Variants in MBOAT2 observed in about 807,000 individuals in gnomAD.
MBOAT2 encodes the protein membrane bound glycerophospholipid O-acyltransferase 2.
In MBOAT2, 28 loss-of-function variants were observed where a neutral mutation model predicts 63.4. The ratio of observed to expected loss-of-function variants is 0.44; its 90% CI spans 0.33 to 0.61. The LOEUF (loss-of-function observed/expected upper bound fraction) is 0.61. MBOAT2 is among the 20% of genes least tolerant of loss of function. The pLI is 0.03. For synonymous variants in MBOAT2, 211 were observed against 215.6 expected, an observed-to-expected ratio of 0.98 and a Z score of 0.19; for missense variants, 470 against 605.8, an observed-to-expected ratio of 0.78 and a Z score of 2.35.
In MBOAT2 at chr2:8,868,446, C is replaced by T. The variant is rs1558552954; in HGVS notation, c.987G>A (p.Glu329=). The T allele has an allele frequency of 6.2e-7, 1 of 1,612,840 alleles. No individual in the cohort carries two copies. Among genetic ancestry groups the T allele is most frequent in the East Asian group, 2.2e-5 (1 of 44,854 alleles). ...LISNLRIQQI[E]MSTSFKMFLD... ...ACTAACTTCTTAAAGATTGACTCAC[C>T]TCTATTTGTTGAATTCTCAAATTGG... Residue 329 remains glutamate (E), a splice_region_variant and synonymous_variant, in exon 9 of 13, where the codon GAG becomes GAA. Coordinates refer to ENST00000305997, the MANE Select transcript of MBOAT2 (RefSeq NM_138799.4).
chr2:8,868,408 A>T (rs748704809), intron 9 of MBOAT2, 38 bp downstream of exon 9: 2 of 1,548,660 alleles, frequency 1.3e-6, no homozygotes, highest in Non-Finnish European at 1.8e-6. Context: ...TATGGTACTT[A>T]AAGTATATAG....
At chr2:8,974,496 T>C (rs1670681290) in intron 1 of MBOAT2, 1 of 451,634 alleles carries the variant, frequency 2.2e-6, no homozygotes, top group Non-Finnish European at 4.5e-6. Context: ...CTTGATGAGG[T>C]TGCTGAGCCA....
chr2:8,980,041 A>C (rs1671090590), intron 1 of MBOAT2, among the ~76,000 whole-genome samples: 2 of 152,184 alleles, frequency 1.3e-5, no homozygotes, highest in African/African-American at 4.8e-5. Flanking sequence ...ACCATAATTA[A>C]GTAGTCAAAG....
chr2:8,900,643 A>T lies in MBOAT2; in HGVS notation c.395+7978T>A, dbSNP rs115990786. On this transcript the variant is annotated intron_variant, in intron 4 of 12. Transcript: ENST00000305997. Reference sequence around the variant, plus strand: ...TGGGGGAGATTAGAGGAGGATTATCATTAATAGAAAGGGGAGCTATAGGGA... The same window carrying T: ...TGGGGGAGATTAGAGGAGGATTATCTTTAATAGAAAGGGGAGCTATAGGGA... 3.1e-3 allele frequency among the ~76,000 whole-genome samples: 470 copies of T among 152,280 alleles called. 1 individual carries two copies. Among genetic ancestry groups the T allele is most frequent in the Non-Finnish European group, 5.1e-3 (346 of 68,026 alleles).
intron 1 of MBOAT2, among the ~76,000 whole-genome samples, chr2:8,966,810 G>T (rs972858985): frequency 6.6e-6 from 1 of 152,178 alleles, no homozygotes; most frequent in African/African-American, 2.4e-5. Context: ...TTTTCTTACA[G>T]GATTGAAAAT....
chr2:8,961,108 C>T (rs1669574809), intron 1 of MBOAT2, among the ~76,000 whole-genome samples: 1 of 152,148 alleles, frequency 6.6e-6, no homozygotes, highest in African/African-American at 2.4e-5. Context: ...TCTACATATC[C>T]AGAACTCTTG....
rs1377125825 is a variant in MBOAT2, at chr2:8,862,918, T to C, written c.1053-196A>G. 6.6e-6 allele frequency among the ~76,000 whole-genome samples: 1 copy of C among 152,186 alleles called. No individual in the cohort carries two copies. The highest frequency in any genetic ancestry group is 2.4e-5 in the African/African-American group (1 of 41,448). ...AAGTGTCAAATTTAGGAACATAAAG[T>C]TAATTCTCATCTTCTTATTGGTATA... On this transcript the variant is annotated intron_variant, in intron 10 of 12. Coordinates refer to ENST00000305997, the MANE Select transcript of MBOAT2 (RefSeq NM_138799.4). The surrounding 1 kb of genome is among the most constrained non-coding windows in gnomAD (Gnocchi z 4.3).
At chr2:8,867,562 A>G (rs1400964421) in intron 9 of MBOAT2, among the ~76,000 whole-genome samples, 3 of 152,190 alleles carry the variant, frequency 2.0e-5, no homozygotes, top group Non-Finnish European at 4.4e-5. Context: ...CTTCAAACTC[A>G]TATCTATTCT....
intron 2 of MBOAT2, among the ~76,000 whole-genome samples, chr2:8,947,029 C>A (rs1668468045): frequency 6.6e-6 from 1 of 152,208 alleles, no homozygotes; most frequent in African/African-American, 2.4e-5. Context: ...CCTCTTGCAC[C>A]AGTTAGTCAT....
chr2:8,864,331 C>CT, intron 9 of MBOAT2, 97 bp from the exon 10 acceptor site: 1 of 643,336 alleles, frequency 1.6e-6, no homozygotes, highest in Non-Finnish European at 2.5e-6. Context: ...ACAAAAATTA[C>CT]TTAACATCGA....
At chr2:8,860,842 G>T in intron 11 of MBOAT2, 78 bp from the exon 12 acceptor site, 1 of 1,153,872 alleles carries the variant, frequency 8.7e-7, no homozygotes, top group Non-Finnish European at 1.2e-6. Flanking sequence ...GATATCAACT[G>T]TTGGAAGGAT....
chr2:8,862,753 G>A lies in MBOAT2; in HGVS notation c.1053-31C>T. ...AACCATGAAAAACATGGAGAGCCAA[G>A]TGGAGTGAGTGACCCGAGTTTACAA... On this transcript the variant is annotated intron_variant, in intron 10 of 12. Coordinates refer to ENST00000305997, the MANE Select transcript of MBOAT2 (RefSeq NM_138799.4). The surrounding 1 kb of genome is among the most constrained non-coding windows in gnomAD (Gnocchi z 4.3). 1 of 1,594,324 alleles carries A rather than the reference G, an allele frequency of 6.3e-7. No individual in the cohort carries two copies. The highest frequency in any genetic ancestry group is 1.1e-5 in the South Asian group (1 of 87,370).
At chr2:8,957,988 C>A (rs558852536) in intron 2 of MBOAT2, among the ~76,000 whole-genome samples, 2 of 152,196 alleles carry the variant, frequency 1.3e-5, no homozygotes. Flanking sequence ...TTTGAAAAGT[C>A]AGAAATAAAA....
intron 1 of MBOAT2, among the ~76,000 whole-genome samples, chr2:8,995,977 G>C (rs1030175602): frequency 5.9e-5 from 9 of 152,202 alleles, no homozygotes; most frequent in East Asian, 3.8e-4. Flanking sequence ...GGTGGGAGGT[G>C]GGGGGAAGCA....
At chr2:8,972,884 G>GA (rs1670549640) in intron 1 of MBOAT2, among the ~76,000 whole-genome samples, 1 of 152,192 alleles carries the variant, frequency 6.6e-6, no homozygotes, top group South Asian at 2.1e-4. Context: ...TGCTGGAGAG[G>GA]ATGTGGAGAA....
chr2:8,860,958 G>T, intron 11 of MBOAT2, 194 bp from the exon 12 acceptor site: 1 of 391,842 alleles, frequency 2.6e-6, no homozygotes. Flanking sequence ...TACACACTGT[G>T]TATAAAAGAC....
At chr2:8,932,643 TG>T in intron 3 of MBOAT2, among the ~76,000 whole-genome samples, 1 of 152,308 alleles carries the variant, frequency 6.6e-6, no homozygotes, top group Non-Finnish European at 1.5e-5. Context: ...TTACTGGTTT[TG>T]TGACCTTGAT....
In MBOAT2 at chr2:8,992,783, T is replaced by C. The variant is rs1292002168; in HGVS notation, c.75+10757A>G. Among the ~76,000 whole-genome samples, 4 of 152,238 alleles carry C rather than the reference T, an allele frequency of 2.6e-5. No individual in the cohort carries two copies. In the East Asian group the frequency reaches 7.7e-4, roughly 29 times the overall value. On this transcript the variant is annotated intron_variant, in intron 1 of 12. Coordinates refer to ENST00000305997, the MANE Select transcript of MBOAT2 (RefSeq NM_138799.4). Reference sequence around the variant, plus strand: ...AGAAGCAAGGCATGCTGGTCAGAGCTTGGGACTTCCCAGAAGAATGTGGTC... The same window carrying C: ...AGAAGCAAGGCATGCTGGTCAGAGCCTGGGACTTCCCAGAAGAATGTGGTC...
At chr2:8,900,488 G>C (rs1284368386) in intron 4 of MBOAT2, among the ~76,000 whole-genome samples, 3 of 152,156 alleles carry the variant, frequency 2.0e-5, no homozygotes, top group African/African-American at 7.2e-5. Context: ...CTTTAAATCA[G>C]AGAGGGAGAA....
Sources: allele counts gnomAD v4.1 joint callset (sites outside exome capture counted in the v4.1 genomes callset), GRCh38; gene constraint gnomAD v4.1.1; non-coding constraint Gnocchi (gnomAD v3.1); transcripts MANE v1.5; gene names NCBI Gene and HGNC (gene_info 2026-07-23, HGNC 2026-07-21).